The following AKR1A1 variants were observed in gnomAD, a reference collection of about 807,000 sequenced individuals.
AKR1A1 encodes HEL-S-165mP.
AKR1A1 carries 26 observed loss-of-function variants against 39.2 expected under a neutral mutation model. That is an observed-to-expected ratio of 0.66 (90% confidence interval 0.49 to 0.92). The LOEUF (loss-of-function observed/expected upper bound fraction) is 0.92. Among genes scored for constraint, AKR1A1 ranks in the 40% least tolerant of loss-of-function variants. The pLI is 0.00. For missense variants in AKR1A1, 378 were observed against 406.5 expected (o/e 0.93, Z 0.60); for synonymous variants, 141 against 155.5 (o/e 0.91, Z 0.69).
intron 1 of AKR1A1, among the ~76,000 whole-genome samples, chr1:45,556,277 A>G (rs2148291466): frequency 6.6e-6 from 1 of 152,238 alleles, no homozygotes; most frequent in Middle Eastern, 3.4e-3. Context: ...TCTCTTTTAC[A>G]CTTGAATATA....
At chr1:45,555,996 G>A (rs1056016966) in intron 1 of AKR1A1, among the ~76,000 whole-genome samples, 1 of 152,178 alleles carries the variant, frequency 6.6e-6, no homozygotes, top group Non-Finnish European at 1.5e-5. Flanking sequence ...GGAATGAGAA[G>A]ATTGAGGAGA....
At chr1:45,553,420 C>CAA (rs11447675) in intron 1 of AKR1A1, among the ~76,000 whole-genome samples, 14 of 147,744 alleles carry the variant, frequency 9.5e-5, no homozygotes, top group Admixed American at 2.7e-4. Context: ...GACTCTGTCT[C>CAA]AAAAAAAAAA....
At chr1:45,568,749 C>T in intron 6 of AKR1A1, 65 bp downstream of exon 6, 6 of 1,590,216 alleles carry the variant, frequency 3.8e-6, no homozygotes, top group Non-Finnish European at 5.2e-6. Flanking sequence ...TTTCTTATTT[C>T]AGTGTCTGGG....
intron 1 of AKR1A1, among the ~76,000 whole-genome samples, chr1:45,559,813 A>G (rs1465377694): frequency 6.7e-6 from 1 of 149,102 alleles, no homozygotes; most frequent in Non-Finnish European, 1.5e-5. Flanking sequence ...ATGCCCGGCT[A>G]ATTTTTCTAT....
chr1:45,567,021 G>A lies in AKR1A1; in HGVS notation c.356+1G>A, dbSNP rs780353257. On this transcript the variant is annotated splice_donor_variant, in intron 4 of 8. Transcript: ENST00000351829. LOFTEE classifies it high-confidence loss of function. ...TGATGCACTGGCCTTATGCCTTTGAGTGAGCCTTGCCAGAGCCTCATCTGG... is the reference window on the plus strand; with the variant it reads ...TGATGCACTGGCCTTATGCCTTTGAATGAGCCTTGCCAGAGCCTCATCTGG... 1 of 1,613,640 alleles carries A rather than the reference G, an allele frequency of 6.2e-7. No homozygotes were observed. The highest frequency in any genetic ancestry group is 1.1e-5 in the South Asian group (1 of 91,044).
intron 4 of AKR1A1, chr1:45,567,458 G>A (rs965393654): frequency 3.0e-5 from 5 of 164,662 alleles, no homozygotes; most frequent in East Asian, 1.8e-4. Context: ...AGATATCTAC[G>A]TCTAGGAAGA....
intron 2 of AKR1A1, among the ~76,000 whole-genome samples, chr1:45,563,093 G>A (rs1456941092): frequency 3.5e-5 from 5 of 144,298 alleles, no homozygotes; most frequent in Admixed American, 1.4e-4. Flanking sequence ...TGGACAGAGC[G>A]AGACCATCTT....
In AKR1A1 at chr1:45,568,577, C is replaced by G; in HGVS notation, c.645C>G (p.Ser215=). The change falls in exon 6 of 9, where the codon TCC becomes TCG. Residue 215 remains serine (S), a synonymous_variant. Transcript: ENST00000351829. ...LEVTAYSPLG[S]SDRAWRDPDE... ...TAACTGCTTATAGCCCTTTGGGCTC[C>G]TCTGATCGTGCATGGCGTGATCCTG... The G allele has an allele frequency of 6.2e-7, 1 of 1,613,986 alleles. No homozygotes were observed. Among genetic ancestry groups the G allele is most frequent in the Non-Finnish European group, 8.5e-7 (1 of 1,179,954 alleles).
chr1:45,552,761 A>G (rs374325502), intron 1 of AKR1A1, among the ~76,000 whole-genome samples: 2 of 152,144 alleles, frequency 1.3e-5, no homozygotes, highest in African/African-American at 4.8e-5. Context: ...TGGGAGTCAC[A>G]TGGTTGGATC....
chr1:45,559,808 C>T lies in AKR1A1; in HGVS notation c.-6-1981C>T, dbSNP rs148563337. 5.0e-3 allele frequency among the ~76,000 whole-genome samples: 752 copies of T among 149,708 alleles called. 5 individuals are homozygous for T. The highest frequency in any genetic ancestry group is 6.8e-3 in the Non-Finnish European group (458 of 67,532). ...GATTATAGGCACCCGCCACCATGCC[C>T]GGCTAATTTTTCTATTTTTAGTAGA... On this transcript the variant is annotated intron_variant, in intron 1 of 8. Transcript: ENST00000351829.
At position 45,561,849 on chromosome 1, in the gene AKR1A1, C is replaced by T; in HGVS notation, c.55C>T (p.Leu19=). The change falls in exon 2 of 9, where the codon CTG becomes TTG. Residue 19 remains leucine (L), a synonymous_variant. Coordinates refer to ENST00000351829, the MANE Select transcript of AKR1A1 (RefSeq NM_153326.3). ...TGGGCAGAAGATGCCTCTGATTGGT[C>T]TGGGTACCTGGAAGAGTGAGCCTGG... The part of the protein sequence containing the change: ...HTGQKMPLIG[L]GTWKSEPGQV... 1 of 1,614,118 alleles carries T rather than the reference C, an allele frequency of 6.2e-7. No homozygotes were observed. Among genetic ancestry groups the T allele is most frequent in the Non-Finnish European group, 8.5e-7 (1 of 1,180,018 alleles).
chr1:45,566,934 T>C lies in AKR1A1; in HGVS notation c.270T>C (p.Asp90=), dbSNP rs1644352033. ...GGAACACCAAGCACCACCCCGAGGA[T>C]GTGGAGCCTGCCCTCCGGAAGACTC... ...KLWNTKHHPE[D]VEPALRKTLA... is the part of the protein sequence containing the mutation. The change falls in exon 4 of 9, where the codon GAT becomes GAC. Residue 90 remains aspartate (D), a synonymous_variant. Transcript: ENST00000351829. 5.6e-6 allele frequency: 9 copies of C among 1,614,066 alleles called. No homozygotes were observed. The highest frequency in any genetic ancestry group is 7.6e-6 in the Non-Finnish European group (9 of 1,179,988).
intron 1 of AKR1A1, among the ~76,000 whole-genome samples, chr1:45,552,930 G>A (rs554578488): frequency 3.3e-5 from 5 of 151,944 alleles, no homozygotes; most frequent in Non-Finnish European, 5.9e-5. Flanking sequence ...TTCGAGACCA[G>A]CCTGGCCAAC....
At chr1:45,562,976 G>A (rs867256228) in intron 2 of AKR1A1, among the ~76,000 whole-genome samples, 4 of 152,030 alleles carry the variant, frequency 2.6e-5, no homozygotes, top group South Asian at 2.1e-4. Context: ...AAAAAAATTC[G>A]AATGCGCCTG....
intron 1 of AKR1A1, among the ~76,000 whole-genome samples, chr1:45,559,157 C>T (rs1186469359): frequency 6.6e-6 from 1 of 152,240 alleles, no homozygotes; most frequent in African/African-American, 2.4e-5. Context: ...AAGCTCTTAT[C>T]ACAGTGTACT....
At chr1:45,557,081 T>TG (rs943118130) in intron 1 of AKR1A1, among the ~76,000 whole-genome samples, 3 of 151,658 alleles carry the variant, frequency 2.0e-5, no homozygotes, top group Non-Finnish European at 4.4e-5. Context: ...TCCCAGCTAC[T>TG]GGGGAGGCTG....
At chr1:45,569,829 G>C (rs757437562) in intron 8 of AKR1A1, 62 bp from the exon 9 acceptor site, 9 of 1,450,618 alleles carry the variant, frequency 6.2e-6, no homozygotes, top group Non-Finnish European at 8.7e-6. Flanking sequence ...TGGGGAAGAT[G>C]CCTGGAGTCT....
At chr1:45,560,387 T>C (rs1196096815) in intron 1 of AKR1A1, among the ~76,000 whole-genome samples, 1 of 152,212 alleles carries the variant, frequency 6.6e-6, no homozygotes, top group African/African-American at 2.4e-5. Flanking sequence ...CTGAAGTGGC[T>C]GGATAGCTTG....
At chr1:45,567,838 A>C in intron 4 of AKR1A1, 144 bp from the exon 5 acceptor site, 1 of 806,544 alleles carries the variant, frequency 1.2e-6, no homozygotes, top group South Asian at 2.1e-5. Context: ...AAAAAAAAAA[A>C]AAAGAAAAAG....
Sources: gnomAD v4.1 joint callset for allele counts (sites outside exome capture counted in the v4.1 genomes callset) on GRCh38, gnomAD v4.1.1 for gene constraint, MANE v1.5 for transcripts, NCBI Gene and HGNC (gene_info 2026-07-23, HGNC 2026-07-21) for gene names.